ANKRD12: variants seen among roughly 807,000 people sequenced by gnomAD.
ANKRD12 encodes the protein ankyrin repeat domain 12, also known as ankyrin repeat domain-containing protein 12.
ANKRD12 carries 85 observed loss-of-function variants against 183.4 expected under a neutral mutation model. The ratio of observed to expected loss-of-function variants is 0.46; its 90% confidence interval spans 0.39 to 0.56. ANKRD12 has a LOEUF of 0.56. Among genes scored for constraint, ANKRD12 ranks in the 20% least tolerant of loss-of-function variants. ANKRD12 has a pLI of 0.00. For synonymous variants in ANKRD12, 914 were observed against 800.2 expected (o/e 1.14, Z -2.40); for missense variants, 2,405 against 2,357.1 (o/e 1.02, Z -0.42).
At chr18:9,186,175 C>G (rs1034077443) in intron 2 of ANKRD12, among the ~76,000 whole-genome samples, 1 of 141,100 alleles carries the variant, frequency 7.1e-6, no homozygotes, top group South Asian at 2.2e-4. Flanking sequence ...GAGTCTCGCT[C>G]TGTCGCCCAG....
chr18:9,228,189 T>G (rs1187131648), intron 8 of ANKRD12, among the ~76,000 whole-genome samples: 1 of 152,174 alleles, frequency 6.6e-6, no homozygotes, highest in Non-Finnish European at 1.5e-5. Flanking sequence ...AGTACTCTAG[T>G]GTATATATGC....
At chr18:9,150,444 A>G (rs2078648751) in intron 1 of ANKRD12, among the ~76,000 whole-genome samples, 1 of 152,148 alleles carries the variant, frequency 6.6e-6, no homozygotes, top group South Asian at 2.1e-4. Context: ...AAAGCAGTAC[A>G]TTTCCATTCT....
At chr18:9,197,973 G>A (rs2034941962) in intron 3 of ANKRD12, among the ~76,000 whole-genome samples, 1 of 152,096 alleles carries the variant, frequency 6.6e-6, no homozygotes, top group Non-Finnish European at 1.5e-5. Flanking sequence ...AAACATTAAG[G>A]AGGATTTCCC....
At chr18:9,260,920 C>A (rs1464011201) in intron 9 of ANKRD12, among the ~76,000 whole-genome samples, 1 of 152,162 alleles carries the variant, frequency 6.6e-6, no homozygotes, top group Non-Finnish European at 1.5e-5. Context: ...TAAGTCAGCA[C>A]TGAGCTGAAC....
chr18:9,141,207 C>T (rs957953767), intron 1 of ANKRD12, among the ~76,000 whole-genome samples: 2 of 79,618 alleles, frequency 2.5e-5, no homozygotes, highest in South Asian at 5.8e-4. Context: ...TGCTGATATA[C>T]TTGTTGCTGT....
At chr18:9,268,099 C>T (rs1207508743) in intron 10 of ANKRD12, among the ~76,000 whole-genome samples, 1 of 152,168 alleles carries the variant, frequency 6.6e-6, no homozygotes, top group Non-Finnish European at 1.5e-5. Context: ...AGACCAATAA[C>T]AGGCTCTGAA....
At chr18:9,184,434 A>G (rs1227992889) in intron 2 of ANKRD12, among the ~76,000 whole-genome samples, 1 of 151,778 alleles carries the variant, frequency 6.6e-6, no homozygotes, top group Non-Finnish European at 1.5e-5. Flanking sequence ...TCTCTTACCC[A>G]GGCTGGAGAG....
intron 1 of ANKRD12, among the ~76,000 whole-genome samples, chr18:9,150,723 G>A (rs535805656): frequency 1.3e-5 from 2 of 151,870 alleles, no homozygotes; most frequent in South Asian, 2.1e-4. Flanking sequence ...GTGTGATTTC[G>A]GCTCACTGCA....
At chr18:9,191,383 A>T (rs776574261) in intron 2 of ANKRD12, among the ~76,000 whole-genome samples, 1 of 152,224 alleles carries the variant, frequency 6.6e-6, no homozygotes, top group Non-Finnish European at 1.5e-5. Flanking sequence ...CATAACAAGT[A>T]GTTAGCAGTT....
chr18:9,211,538 A>G (rs1481034671), intron 5 of ANKRD12, 46 bp from the exon 6 acceptor site: 5 of 1,518,970 alleles, frequency 3.3e-6, no homozygotes, highest in African/African-American at 1.4e-5. Flanking sequence ...ATAAGTATAC[A>G]GAATATTTAG....
chr18:9,157,585 G>GTATATATATATATATATA (rs1380048925), intron 1 of ANKRD12, among the ~76,000 whole-genome samples: 5 of 92,704 alleles, frequency 5.4e-5, no homozygotes, highest in South Asian at 3.1e-4. Context: ...GTGTGTGTGT[G>GTATATATATATATATATA]TATATATATA....
At chr18:9,268,732 C>T (rs930223053) in intron 10 of ANKRD12, among the ~76,000 whole-genome samples, 4 of 152,196 alleles carry the variant, frequency 2.6e-5, no homozygotes, top group Admixed American at 1.3e-4. Context: ...TGCTCTCTCT[C>T]ACCACTCCTG....
At chr18:9,212,415 A>G (rs1199896446) in intron 6 of ANKRD12, among the ~76,000 whole-genome samples, 1 of 152,002 alleles carries the variant, frequency 6.6e-6, no homozygotes, top group Non-Finnish European at 1.5e-5. Context: ...TTAAAGTGAA[A>G]TCATTCCATC....
intron 8 of ANKRD12, among the ~76,000 whole-genome samples, chr18:9,237,012 C>G (rs2037386807): frequency 6.6e-6 from 1 of 152,012 alleles, no homozygotes; most frequent in Non-Finnish European, 1.5e-5. Context: ...AGGATAATTG[C>G]AAACATTTAA....
chr18:9,149,530 A>T (rs1197333999), intron 1 of ANKRD12, among the ~76,000 whole-genome samples: 1 of 152,180 alleles, frequency 6.6e-6, no homozygotes, highest in East Asian at 1.9e-4. Flanking sequence ...CTGAAAGCCA[A>T]AGAGTTTACT....
chr18:9,204,091 C>T (rs2035341166), intron 3 of ANKRD12, among the ~76,000 whole-genome samples: 1 of 152,136 alleles, frequency 6.6e-6, no homozygotes, highest in African/African-American at 2.4e-5. Flanking sequence ...CGAGTTGGCA[C>T]TCATAGAACA....
chr18:9,214,812 G>A (rs2036001693), intron 6 of ANKRD12, among the ~76,000 whole-genome samples: 1 of 152,192 alleles, frequency 6.6e-6, no homozygotes, highest in Non-Finnish European at 1.5e-5. Flanking sequence ...AGCTATGCTA[G>A]TGGGTTTGAA....
At chr18:9,193,298 C>T (rs2034573015) in intron 2 of ANKRD12, among the ~76,000 whole-genome samples, 1 of 151,984 alleles carries the variant, frequency 6.6e-6, no homozygotes, top group African/African-American at 2.4e-5. Context: ...GCCACCATGC[C>T]TGGCTAATTT....
chr18:9,266,108 G>A (rs1445202415), intron 10 of ANKRD12, among the ~76,000 whole-genome samples: 4 of 152,140 alleles, frequency 2.6e-5, no homozygotes, highest in African/African-American at 9.7e-5. Flanking sequence ...AGGAAATATG[G>A]GGCTATGTGA....
Sources: gnomAD v4.1 joint callset for allele counts (sites outside exome capture counted in the v4.1 genomes callset) on GRCh38, gnomAD v4.1.1 for gene constraint, MANE v1.5 for transcripts, NCBI Gene and HGNC (gene_info 2026-07-23, HGNC 2026-07-21) for gene names.